The following AKAP6 variants were observed in gnomAD, a reference collection of about 807,000 sequenced individuals.
AKAP6 encodes A-kinase anchoring protein 6.
A neutral mutation model predicts 188.5 loss-of-function variants in AKAP6; 58 were observed. The observed-to-expected ratio is 0.31, with a 90% CI of 0.25 to 0.38. The LOEUF (loss-of-function observed/expected upper bound fraction) is 0.38. Ranked by LOEUF, AKAP6 falls within the 10% of genes least tolerant of loss-of-function variation. The pLI is 1.00. For missense variants in AKAP6, 2,710 were observed against 2,740.0 expected (o/e 0.99, Z 0.24); for synonymous variants, 989 against 998.6 (o/e 0.99, Z 0.18).
At chr14:32,819,747 C>G (rs1192253363) in intron 12 of AKAP6, among the ~76,000 whole-genome samples, 1 of 151,994 alleles carries the variant, frequency 6.6e-6, no homozygotes, top group Non-Finnish European at 1.5e-5. Context: ...TCCAGGAGTT[C>G]AAGACCAGCC....
At chr14:32,399,271 AG>A (rs1481837445) in intron 1 of AKAP6, among the ~76,000 whole-genome samples, 3 of 152,212 alleles carry the variant, frequency 2.0e-5, no homozygotes, top group Non-Finnish European at 2.9e-5. Flanking sequence ...AAATATACAG[AG>A]GTATGAGTTT....
intron 2 of AKAP6, among the ~76,000 whole-genome samples, chr14:32,517,097 A>C (rs1019704404): frequency 6.6e-6 from 1 of 152,256 alleles, no homozygotes; most frequent in Non-Finnish European, 1.5e-5. Flanking sequence ...AATGATATCA[A>C]GTAAGACGAC....
intron 12 of AKAP6, among the ~76,000 whole-genome samples, chr14:32,802,866 G>C (rs1414058927): frequency 6.6e-6 from 1 of 152,190 alleles, no homozygotes; most frequent in East Asian, 1.9e-4. Flanking sequence ...GGGACGCCAA[G>C]ATGGGCAGAT....
At chr14:32,627,706 C>G (rs1201250533) in intron 7 of AKAP6, among the ~76,000 whole-genome samples, 1 of 152,108 alleles carries the variant, frequency 6.6e-6, no homozygotes, top group Non-Finnish European at 1.5e-5. Context: ...CTGGAAGTCT[C>G]TCTTGTTAAA....
chr14:32,511,232 C>A (rs760353820), intron 2 of AKAP6, among the ~76,000 whole-genome samples: 1 of 152,218 alleles, frequency 6.6e-6, no homozygotes, highest in Non-Finnish European at 1.5e-5. Context: ...GTACATCTAG[C>A]TTTCTCTGTC....
intron 4 of AKAP6, among the ~76,000 whole-genome samples, chr14:32,575,824 A>G (rs1413388477): frequency 6.6e-6 from 1 of 152,136 alleles, no homozygotes; most frequent in African/African-American, 2.4e-5. Context: ...CTCTATCTAA[A>G]CAGGTTGGCA....
intron 8 of AKAP6, among the ~76,000 whole-genome samples, chr14:32,695,406 G>T (rs567912401): frequency 6.6e-6 from 1 of 152,310 alleles, no homozygotes; most frequent in Non-Finnish European, 1.5e-5. Context: ...ACAGATAAAT[G>T]ATTGAGTGAT....
chr14:32,705,188 A>G (rs564257675), intron 9 of AKAP6, among the ~76,000 whole-genome samples: 1 of 152,302 alleles, frequency 6.6e-6, no homozygotes, highest in East Asian at 1.9e-4. Flanking sequence ...TGCATTACCA[A>G]CTGACCATAC....
At chr14:32,534,856 T>G (rs1023428458) in intron 2 of AKAP6, among the ~76,000 whole-genome samples, 1 of 151,770 alleles carries the variant, frequency 6.6e-6, no homozygotes, top group Non-Finnish European at 1.5e-5. Flanking sequence ...TCTCAGCTAC[T>G]TGGGAAGCTG....
chr14:32,482,520 C>T (rs1879405906), intron 2 of AKAP6, among the ~76,000 whole-genome samples: 1 of 152,162 alleles, frequency 6.6e-6, no homozygotes, highest in Non-Finnish European at 1.5e-5. Context: ...ATCCTCACTA[C>T]TGTTCTGCTT....
Position 32,835,912 on chromosome 14 carries a change from T to A in AKAP6, c.*6107T>A, listed in dbSNP as rs1279779342. 6.6e-6 allele frequency: 1 copy of A among 152,202 alleles called. No homozygotes were observed. Among genetic ancestry groups the A allele is most frequent in the Non-Finnish European group, 1.5e-5 (1 of 68,040 alleles). The allele number at this position is 152,202 out of a possible 1,614,324, so 9.4% of individuals were successfully genotyped here. On this transcript the variant is annotated 3_prime_UTR_variant, in exon 14 of 14. Coordinates refer to ENST00000280979, the MANE Select transcript of AKAP6 (RefSeq NM_004274.5). ...TTTGAGAGTTGCCACATATTTGCAT[T>A]TCCAGAGTAAAATAATAGGATGACA...
At chr14:32,464,315 C>G (rs1328492630) in intron 2 of AKAP6, among the ~76,000 whole-genome samples, 1 of 152,180 alleles carries the variant, frequency 6.6e-6, no homozygotes, top group Non-Finnish European at 1.5e-5. Context: ...AGGCCAATAA[C>G]CCTGATGAAC....
intron 11 of AKAP6, among the ~76,000 whole-genome samples, chr14:32,760,382 T>C (rs2032496636): frequency 6.6e-6 from 1 of 152,200 alleles, no homozygotes; most frequent in Non-Finnish European, 1.5e-5. Flanking sequence ...GCCTAAAGGA[T>C]CAATGCATTT....
intron 9 of AKAP6, among the ~76,000 whole-genome samples, chr14:32,713,290 G>A (rs751471042): frequency 6.6e-5 from 10 of 152,018 alleles, no homozygotes; most frequent in East Asian, 3.9e-4. Context: ...AGGCAGAGTA[G>A]AGTTAGCATA....
intron 5 of AKAP6, among the ~76,000 whole-genome samples, chr14:32,585,697 C>T (rs568930050): frequency 8.5e-5 from 13 of 152,224 alleles, no homozygotes; most frequent in Non-Finnish European, 1.6e-4. Flanking sequence ...GTAGGATAAG[C>T]AAAGTATTCT....
chr14:32,705,157 G>A (rs964640066), intron 9 of AKAP6, among the ~76,000 whole-genome samples: 3 of 152,116 alleles, frequency 2.0e-5, no homozygotes, highest in African/African-American at 7.2e-5. Context: ...GAGTATTAGG[G>A]AATTCTCCAA....
chr14:32,492,428 T>G (rs779174253), intron 2 of AKAP6, among the ~76,000 whole-genome samples: 10 of 149,950 alleles, frequency 6.7e-5, no homozygotes, highest in Non-Finnish European at 1.2e-4. Flanking sequence ...CACATAACTT[T>G]CAGTGTGTGG....
chr14:32,487,418 G>T (rs1167382146), intron 2 of AKAP6, among the ~76,000 whole-genome samples: 2 of 152,136 alleles, frequency 1.3e-5, no homozygotes, highest in Non-Finnish European at 2.9e-5. Context: ...TCTCTAAATT[G>T]GTTATTCTAG....
chr14:32,525,089 G>A (rs983663360), intron 2 of AKAP6, among the ~76,000 whole-genome samples: 6 of 152,210 alleles, frequency 3.9e-5, no homozygotes, highest in African/African-American at 1.4e-4. Context: ...GCTATTGAGA[G>A]TCAAGACCAC....
Sources: allele counts gnomAD v4.1 joint callset (sites outside exome capture counted in the v4.1 genomes callset), GRCh38; gene constraint gnomAD v4.1.1; transcripts MANE v1.5; gene names NCBI Gene and HGNC (gene_info 2026-07-23, HGNC 2026-07-21).